Variants in SLC25A12 observed in about 807,000 individuals in gnomAD.
SLC25A12 encodes the protein electrogenic aspartate/glutamate antiporter SLC25A12, mitochondrial.
SLC25A12 carries 32 observed loss-of-function variants against 83.3 expected under a neutral mutation model. That is an observed-to-expected ratio of 0.38 (90% CI 0.29 to 0.52). The LOEUF (loss-of-function observed/expected upper bound fraction) is 0.52, where lower values mean the gene tolerates loss of function less well. Among genes scored for constraint, SLC25A12 ranks in the 20% least tolerant of loss-of-function variants. SLC25A12 has a pLI of 0.84. For missense variants in SLC25A12, 611 were observed against 835.6 expected, an observed-to-expected ratio of 0.73 and a Z score of 3.31; for synonymous variants, 267 against 291.1, an observed-to-expected ratio of 0.92 and a Z score of 0.84.
chr2:171,824,019 C>T (rs145043239), intron 9 of SLC25A12, among the ~76,000 whole-genome samples: 152 of 152,162 alleles, frequency 1.0e-3, no homozygotes, highest in Middle Eastern at 3.4e-3. Context: ...AAGACTTCTA[C>T]CAGCTCTCCA....
Position 171,834,858 on chromosome 2 carries a change from C to G in SLC25A12, c.620G>C (p.Gly207Ala), listed in dbSNP as rs955225568. 2 of 1,613,582 alleles carry G rather than the reference C, an allele frequency of 1.2e-6. No individual in the cohort carries two copies. The highest frequency in any genetic ancestry group is 2.7e-5 in the African/African-American group (2 of 74,870). The change falls in exon 7 of 18, where the codon GGA becomes GCA. Residue 207 changes from glycine to alanine, a missense_variant. By Grantham distance (60) the Gly-to-Ala change is moderately conservative. Transcript: ENST00000422440. ...GCTAACCTGGTGTGAGATACTTCCT[C>G]CAGCTGCCTAGAAAATGACAACACA... ...FVEENLVSAA[G>A]GSISHQVSFS...
At chr2:171,792,464 CTT>C (rs1208819351) in intron 14 of SLC25A12, among the ~76,000 whole-genome samples, 1 of 144,830 alleles carries the variant, frequency 6.9e-6, no homozygotes. Context: ...TTTTTTCTTT[CTT>C]TTTTTTTTTT....
chr2:171,793,955 C>T (rs1394572302), intron 13 of SLC25A12, among the ~76,000 whole-genome samples, 188 bp from the exon 14 acceptor site: 1 of 152,160 alleles, frequency 6.6e-6, no homozygotes, highest in African/African-American at 2.4e-5. Flanking sequence ...GGGATGGTCC[C>T]AAACTCTGTC....
intron 4 of SLC25A12, among the ~76,000 whole-genome samples, chr2:171,849,195 TAATA>T (rs890826602): frequency 1.5e-4 from 22 of 150,288 alleles, no homozygotes; most frequent in East Asian, 1.4e-3. Context: ...GTCTCAAAAT[TAATA>T]AATAAATACA....
At chr2:171,824,188 ATC>A (rs1301368134) in intron 9 of SLC25A12, among the ~76,000 whole-genome samples, 1 of 152,230 alleles carries the variant, frequency 6.6e-6, no homozygotes, top group African/African-American at 2.4e-5. Flanking sequence ...GAGGCCACCC[ATC>A]CCAGCATAAA....
chr2:171,829,649 C>G (rs1291914737), intron 8 of SLC25A12, among the ~76,000 whole-genome samples: 1 of 152,040 alleles, frequency 6.6e-6, no homozygotes, highest in African/African-American at 2.4e-5. Flanking sequence ...TAACATACAA[C>G]AATGTAAAGA....
chr2:171,813,150 T>C (rs753056003), intron 11 of SLC25A12, among the ~76,000 whole-genome samples, 189 bp downstream of exon 11: 52 of 152,084 alleles, frequency 3.4e-4, no homozygotes, highest in Non-Finnish European at 6.6e-4. Flanking sequence ...AAGACCTTAT[T>C]TGCAGATTAA....
intron 15 of SLC25A12, among the ~76,000 whole-genome samples, chr2:171,790,608 C>T (rs1009472071): frequency 1.2e-4 from 18 of 152,016 alleles, no homozygotes; most frequent in African/African-American, 4.1e-4. Flanking sequence ...ACACTGGCCA[C>T]GTAGGAAAGG....
intron 1 of SLC25A12, among the ~76,000 whole-genome samples, 155 bp downstream of exon 1, chr2:171,894,048 A>C (rs1027192897): frequency 6.6e-6 from 1 of 151,992 alleles, no homozygotes; most frequent in African/African-American, 2.4e-5. Context: ...CTCCGGTCCA[A>C]GCCCCGCACA....
intron 2 of SLC25A12, among the ~76,000 whole-genome samples, chr2:171,879,104 T>C (rs1312951321): frequency 6.6e-6 from 1 of 152,244 alleles, no homozygotes; most frequent in Non-Finnish European, 1.5e-5. Flanking sequence ...GCCAGTTTGA[T>C]TTTTTAACAA....
intron 9 of SLC25A12, among the ~76,000 whole-genome samples, chr2:171,826,075 C>G (rs1323243482): frequency 6.6e-6 from 1 of 152,058 alleles, no homozygotes; most frequent in Non-Finnish European, 1.5e-5. Flanking sequence ...CTGTAAGGCA[C>G]AATCCCAGTG....
At chr2:171,862,998 C>G (rs1685196747) in intron 3 of SLC25A12, among the ~76,000 whole-genome samples, 1 of 152,148 alleles carries the variant, frequency 6.6e-6, no homozygotes, top group Non-Finnish European at 1.5e-5. Context: ...CACTTGGGCT[C>G]AAACAATCCT....
chr2:171,849,663 G>A (rs545487301), intron 4 of SLC25A12, among the ~76,000 whole-genome samples: 12 of 149,232 alleles, frequency 8.0e-5, no homozygotes, highest in African/African-American at 2.2e-4. Flanking sequence ...CCGGGTTCAC[G>A]CCATTCGTGA....
intron 3 of SLC25A12, among the ~76,000 whole-genome samples, chr2:171,857,230 G>C (rs1685064625): frequency 6.6e-6 from 1 of 152,070 alleles, no homozygotes; most frequent in South Asian, 2.1e-4. Context: ...AATTAGCTGG[G>C]CATGGTGGCA....
intron 4 of SLC25A12, chr2:171,845,812 G>A (rs1684785931): frequency 2.2e-6 from 1 of 454,928 alleles, no homozygotes; most frequent in South Asian, 1.6e-5. Flanking sequence ...TGGGGAGATG[G>A]GATTCTCATC....
At chr2:171,847,419 T>C (rs1684821892) in intron 4 of SLC25A12, among the ~76,000 whole-genome samples, 1 of 152,180 alleles carries the variant, frequency 6.6e-6, no homozygotes, top group Non-Finnish European at 1.5e-5. Flanking sequence ...AGGTAATAAC[T>C]CAAACAGCTG....
intron 2 of SLC25A12, among the ~76,000 whole-genome samples, chr2:171,871,193 C>A (rs750579152): frequency 6.6e-6 from 1 of 152,042 alleles, no homozygotes; most frequent in East Asian, 1.9e-4. Context: ...CAGAGCAAGA[C>A]CCTGTCCAAA....
rs538969281 is a variant in SLC25A12, at chr2:171,851,531, C to T, written c.325+4303G>A. Among the ~76,000 whole-genome samples the T allele has an allele frequency of 1.7e-4, 25 of 148,970 alleles. No individual in the cohort carries two copies. In the South Asian group the frequency reaches 2.4e-3, roughly 14 times the overall value. On this transcript the variant is annotated intron_variant, in intron 4 of 17. Coordinates refer to ENST00000422440, the MANE Select transcript of SLC25A12 (RefSeq NM_003705.5). Reference sequence around the variant, plus strand: ...AAAAAGGATTAAATCTTTAGTAAGGCAATAGGCCTTTTTTTCATTTGAGAC... The same window carrying T: ...AAAAAGGATTAAATCTTTAGTAAGGTAATAGGCCTTTTTTTCATTTGAGAC...
Position 171,841,384 on chromosome 2 carries a change from T to C in SLC25A12, c.465+2985A>G, listed in dbSNP as rs529238229. ...CGTGAGCCAAAACACCCAGACTGTT[T>C]GTTTTTTGAGACAGGGCTCACTCGG... is the stretch of plus-strand genomic sequence containing the variant. On this transcript the variant is annotated intron_variant, in intron 5 of 17. Transcript: ENST00000422440. 4.0e-4 allele frequency among the ~76,000 whole-genome samples: 61 copies of C among 151,682 alleles called. No homozygotes were observed. In the Middle Eastern group the frequency reaches 0.01, roughly 26 times the overall value.
Sources: allele counts gnomAD v4.1 joint callset (sites outside exome capture counted in the v4.1 genomes callset), GRCh38; gene constraint gnomAD v4.1.1; transcripts MANE v1.5; gene names NCBI Gene and HGNC (gene_info 2026-07-23, HGNC 2026-07-21).